Variants in BRIP1 observed in about 807,000 individuals in gnomAD.
BRIP1 encodes BRCA1 interacting DNA helicase 1.
A neutral mutation model predicts 119.7 loss-of-function variants in BRIP1; 88 were observed. The ratio of observed to expected loss-of-function variants is 0.74; its 90% CI spans 0.62 to 0.88. The LOEUF (loss-of-function observed/expected upper bound fraction) is 0.88. Among genes scored for constraint, BRIP1 ranks in the 40% least tolerant of loss-of-function variants. The probability of loss-of-function intolerance (pLI) is 0.00; values close to 1 mark genes in which losing one functional copy is unlikely to be tolerated. For missense variants in BRIP1, 1,259 were observed against 1,455.4 expected (o/e 0.87, Z 2.20); for synonymous variants, 443 against 496.5 (o/e 0.89, Z 1.43).
rs1271879734 is a variant in BRIP1 at position 61,860,523 on chromosome 17, G to A, written c.94-616C>T. On this transcript the variant is annotated intron_variant, in intron 2 of 19. Coordinates refer to ENST00000259008, the MANE Select transcript of BRIP1 (RefSeq NM_032043.3). The surrounding 1 kb of genome is among the most constrained non-coding windows in gnomAD (Gnocchi z 4.1). ...AAAAATCCAAAAATTAGCTGGGCGT[G>A]GTGGCGCATCCCTGTAATCCCAGCT... Among the ~76,000 whole-genome samples, 1 of 152,176 alleles carries A rather than the reference G, an allele frequency of 6.6e-6. No individual in the cohort carries two copies. Among genetic ancestry groups the A allele is most frequent in the Non-Finnish European group, 1.5e-5 (1 of 68,022 alleles).
chr17:61,858,469 G>A lies in BRIP1; in HGVS notation c.206-1238C>T, dbSNP rs113223345. ...GCTCACTGCAACCTCCACCTCCCAG[G>A]TTCAAGTGATTCTCCTGTCTCAGCC... On this transcript the variant is annotated intron_variant, in intron 3 of 19. Transcript: ENST00000259008. 1.2e-3 allele frequency among the ~76,000 whole-genome samples: 182 copies of A among 152,006 alleles called. 1 individual carries two copies. Among genetic ancestry groups the A allele is most frequent in the African/African-American group, 3.7e-3 (152 of 41,398 alleles).
chr17:61,782,384 C>G (rs9895852), intron 11 of BRIP1, among the ~76,000 whole-genome samples: 1 of 39,602 alleles, frequency 2.5e-5, no homozygotes, highest in Non-Finnish European at 5.1e-5. Context: ...AGACTCCCGT[C>G]TCAGAAAAAA....
Position 61,684,283 on chromosome 17 carries a change from T to C in BRIP1, c.2906-143A>G. 1 of 951,876 alleles carries C rather than the reference T, an allele frequency of 1.1e-6. No individual in the cohort carries two copies. The highest frequency in any genetic ancestry group is 1.8e-5 in the South Asian group (1 of 55,196). The allele number at this position is 951,876 out of a possible 1,614,324, so 59.0% of individuals were successfully genotyped here. A position where few individuals can be genotyped will look rare whatever the true frequency, so the allele number is the denominator to read the frequency against. Reference sequence around the variant, plus strand: ...GCCCCCAACGAATACTAGTGGATTTTCATCTTGGAACAGAATATTAACTCT... The same window carrying C: ...GCCCCCAACGAATACTAGTGGATTTCCATCTTGGAACAGAATATTAACTCT... On this transcript the variant is annotated intron_variant, in intron 19 of 19. Transcript: ENST00000259008. This position sits in a 1 kb window ranked among gnomAD's most constrained non-coding sequence, Gnocchi z 4.5.
At chr17:61,800,610 T>C (rs1439525732) in intron 8 of BRIP1, among the ~76,000 whole-genome samples, 1 of 152,106 alleles carries the variant, frequency 6.6e-6, no homozygotes, top group Non-Finnish European at 1.5e-5. Flanking sequence ...AAAAGCAATA[T>C]TTGGAAAACT....
chr17:61,700,743 CTTTT>C lies in BRIP1; in HGVS notation c.2493-7235_2493-7232del, dbSNP rs578209945. Among the ~76,000 whole-genome samples, 233 of 152,120 alleles carry C rather than the reference CTTTT, an allele frequency of 1.5e-3. No individual in the cohort carries two copies. The highest frequency in any genetic ancestry group is 5.3e-3 in the African/African-American group (222 of 41,522). On this transcript the variant is annotated intron_variant, in intron 17 of 19. Coordinates refer to ENST00000259008, the MANE Select transcript of BRIP1 (RefSeq NM_032043.3). This position sits in a 1 kb window ranked among gnomAD's most constrained non-coding sequence, Gnocchi z 4.1. ...AATTTCTTTAAATATTCTTTCTATT[CTTTT>C]TTCTCTCCTCTCCTTCTGGGACTCC...
Position 61,843,928 on chromosome 17 carries a change from T to G in BRIP1, c.627+3173A>C, listed in dbSNP as rs1425972315. Among the ~76,000 whole-genome samples, 2 of 151,866 alleles carry G rather than the reference T, an allele frequency of 1.3e-5. No homozygotes were observed. The highest frequency in any genetic ancestry group is 2.9e-5 in the Non-Finnish European group (2 of 67,986). ...ATAATTTTTATTTTATGTATTTATT[T>G]TTTATTTTTTTTTAGAGACAGGGTC... On this transcript the variant is annotated intron_variant, in intron 6 of 19. Transcript: ENST00000259008. This position sits in a 1 kb window ranked among gnomAD's most constrained non-coding sequence, Gnocchi z 5.7.
rs964717612 is a variant in BRIP1 at position 61,775,332 on chromosome 17, C to T, written c.2097+1069G>A. Among the ~76,000 whole-genome samples the T allele has an allele frequency of 2.6e-5, 4 of 152,064 alleles. No homozygotes were observed. Among genetic ancestry groups the T allele is most frequent in the African/African-American group, 7.2e-5 (3 of 41,416 alleles). On this transcript the variant is annotated intron_variant, in intron 14 of 19. Transcript: ENST00000259008. The surrounding 1 kb of genome is among the most constrained non-coding windows in gnomAD (Gnocchi z 4.4). ...GAAAACAAATCCTTTAATTTATCTA[C>T]AAGAGACTAATTGCTTTAGTGTATC...
At position 61,729,444 on chromosome 17, in the gene BRIP1, G is replaced by GT. The variant is rs71150635; in HGVS notation, c.2380-13382dup. On this transcript the variant is annotated intron_variant, in intron 16 of 19. Coordinates refer to ENST00000259008, the MANE Select transcript of BRIP1 (RefSeq NM_032043.3). This position sits in a 1 kb window ranked among gnomAD's most constrained non-coding sequence, Gnocchi z 5.6. ...GAGGCTATAAGAAGGAAAAAGCAGA[G>GT]TAAGTGAGGTAAAATCCTGTCTCAA... Among the ~76,000 whole-genome samples, 110,533 of 151,870 alleles carry GT rather than the reference G, an allele frequency of 0.73. 40,845 individuals carry two copies. The highest frequency in any genetic ancestry group is 0.81 in the Middle Eastern group (237 of 292).
chr17:61,735,290 A>G lies in BRIP1; in HGVS notation c.2379+7723T>C, dbSNP rs1171314883. Among the ~76,000 whole-genome samples the G allele has an allele frequency of 6.6e-6, 1 of 152,216 alleles. No individual in the cohort carries two copies. The highest frequency in any genetic ancestry group is 1.5e-5 in the Non-Finnish European group (1 of 68,036). ...GTCACTCTTAATTAGGTTATATTAT[A>G]TAGCAAAAATGATGGGAAGTTATTC... is the stretch of plus-strand genomic sequence containing the variant. On this transcript the variant is annotated intron_variant, in intron 16 of 19. Coordinates refer to ENST00000259008, the MANE Select transcript of BRIP1 (RefSeq NM_032043.3). This position sits in a 1 kb window ranked among gnomAD's most constrained non-coding sequence, Gnocchi z 4.4.
rs1184306036 is a variant in BRIP1 at position 61,801,347 on chromosome 17, G to C, written c.1046C>G (p.Ala349Gly). Reference protein sequence around the residue: ...ELVSLGKKLKACPYYTARELI... With the variant: ...ELVSLGKKLKGCPYYTARELI... ...TTCTCGGGCTGTGTAATATGGACAG[G>C]CCTTTAGTTTCTTCCCCAGGCTGAC... The change falls in exon 8 of 20, where the codon GCC becomes GGC. Residue 349 changes from alanine (A) to glycine (G), a missense_variant. By Grantham distance (60) the Ala-to-Gly change is moderately conservative. Coordinates refer to ENST00000259008, the MANE Select transcript of BRIP1 (RefSeq NM_032043.3). 6.2e-7 allele frequency: 1 copy of C among 1,613,958 alleles called. No homozygotes were observed. The highest frequency in any genetic ancestry group is 1.1e-5 in the South Asian group (1 of 91,072).
chr17:61,758,124 A>G lies in BRIP1; in HGVS notation c.2098-13533T>C, dbSNP rs944485323. ...TGTTTCATCAACAGTTAATTCATCA[A>G]TGTCTAAAGTAATCATTTAGTTAAA... On this transcript the variant is annotated intron_variant, in intron 14 of 19. Coordinates refer to ENST00000259008, the MANE Select transcript of BRIP1 (RefSeq NM_032043.3). The surrounding 1 kb of genome is among the most constrained non-coding windows in gnomAD (Gnocchi z 5.3). 6.6e-6 allele frequency among the ~76,000 whole-genome samples: 1 copy of G among 152,236 alleles called. No homozygotes were observed. Among genetic ancestry groups the G allele is most frequent in the Non-Finnish European group, 1.5e-5 (1 of 68,030 alleles).
In BRIP1 at chr17:61,710,555, C is replaced by T. The variant is rs1272301606; in HGVS notation, c.2492+5396G>A. ...GGTTTTGATTGCTAAATTTGCCAAACGAATTGTATGATAACTTATAAGCCA... is the reference window on the plus strand; with the variant it reads ...GGTTTTGATTGCTAAATTTGCCAAATGAATTGTATGATAACTTATAAGCCA... On this transcript the variant is annotated intron_variant, in intron 17 of 19. Transcript: ENST00000259008. This position sits in a 1 kb window ranked among gnomAD's most constrained non-coding sequence, Gnocchi z 5.4. 5.9e-5 allele frequency among the ~76,000 whole-genome samples: 9 copies of T among 152,144 alleles called. No homozygotes were observed. Among genetic ancestry groups the T allele is most frequent in the Admixed American group, 2.0e-4 (3 of 15,288 alleles).
intron 6 of BRIP1, among the ~76,000 whole-genome samples, chr17:61,820,604 T>A (rs1024920559): frequency 6.6e-6 from 1 of 152,206 alleles, no homozygotes; most frequent in African/African-American, 2.4e-5. Flanking sequence ...ACCCCTTCTT[T>A]CATTCATGCT....
rs2077272188 is a variant in BRIP1, at chr17:61,761,157, T to C, written c.2097+15244A>G. ...AATAGAATGAAGGACAAAAACCATA[T>C]GATCATCTCATTAGATGTAGAAAAA... On this transcript the variant is annotated intron_variant, in intron 14 of 19. Coordinates refer to ENST00000259008, the MANE Select transcript of BRIP1 (RefSeq NM_032043.3). This position sits in a 1 kb window ranked among gnomAD's most constrained non-coding sequence, Gnocchi z 6.4. Among the ~76,000 whole-genome samples the C allele has an allele frequency of 6.6e-6, 1 of 152,080 alleles. No individual in the cohort carries two copies. Among genetic ancestry groups the C allele is most frequent in the Non-Finnish European group, 1.5e-5 (1 of 67,956 alleles).
chr17:61,839,613 T>C (rs1200605827), intron 6 of BRIP1, among the ~76,000 whole-genome samples: 1 of 152,158 alleles, frequency 6.6e-6, no homozygotes, highest in Non-Finnish European at 1.5e-5. Flanking sequence ...AAATTCAGTG[T>C]CACACTAGTG....
In BRIP1 at chr17:61,768,324, A is replaced by G. The variant is rs2144932455; in HGVS notation, c.2097+8077T>C. 6.6e-6 allele frequency among the ~76,000 whole-genome samples: 1 copy of G among 152,300 alleles called. No homozygotes were observed. Among genetic ancestry groups the G allele is most frequent in the South Asian group, 2.1e-4 (1 of 4,820 alleles). ...AAAGAAATTCAACTAAAGATATTTAAAGTTCTTTCTCAATACAAAATAAGT... is the reference window on the plus strand; with the variant it reads ...AAAGAAATTCAACTAAAGATATTTAGAGTTCTTTCTCAATACAAAATAAGT... On this transcript the variant is annotated intron_variant, in intron 14 of 19. Coordinates refer to ENST00000259008, the MANE Select transcript of BRIP1 (RefSeq NM_032043.3). The surrounding 1 kb of genome is among the most constrained non-coding windows in gnomAD (Gnocchi z 5.0).
chr17:61,696,597 A>G (rs1432030289), intron 17 of BRIP1, among the ~76,000 whole-genome samples: 4 of 151,566 alleles, frequency 2.6e-5, no homozygotes, highest in Admixed American at 2.0e-4. Context: ...AGGCAGAAGA[A>G]TCACTTGAAC....
intron 17 of BRIP1, among the ~76,000 whole-genome samples, chr17:61,698,043 T>A (rs1603283816): frequency 1.3e-5 from 2 of 152,072 alleles, no homozygotes; most frequent in South Asian, 4.1e-4. Flanking sequence ...TGACCTCAGG[T>A]AATCTGCCCG....
chr17:61,727,995 A>C lies in BRIP1; in HGVS notation c.2380-11932T>G, dbSNP rs545865692. ...AGGTGTGTGCTATGACGCCCGGCTA[A>C]TTTTTGTATTTTTAGTAGACACGGG... On this transcript the variant is annotated intron_variant, in intron 16 of 19. Coordinates refer to ENST00000259008, the MANE Select transcript of BRIP1 (RefSeq NM_032043.3). 2.3e-4 allele frequency among the ~76,000 whole-genome samples: 35 copies of C among 151,648 alleles called. No homozygotes were observed. In the East Asian group the frequency reaches 6.4e-3, roughly 28 times the overall value.
Sources: gnomAD v4.1 joint callset for allele counts (sites outside exome capture counted in the v4.1 genomes callset) on GRCh38, gnomAD v4.1.1 for gene constraint, Gnocchi (gnomAD v3.1) non-coding constraint, MANE v1.5 for transcripts, NCBI Gene and HGNC (gene_info 2026-07-23, HGNC 2026-07-21) for gene names.